MIB1: variants seen among roughly 807,000 people sequenced by gnomAD.
MIB1 encodes MIB E3 ubiquitin protein ligase 1, also known as E3 ubiquitin-protein ligase MIB1.
In MIB1, 278 loss-of-function variants were observed where a neutral mutation model predicts 124.5. The ratio of observed to expected loss-of-function variants is 2.23; its 90% confidence interval spans 2.02 to 2.47. The LOEUF (loss-of-function observed/expected upper bound fraction) is 2.47. Among genes scored for constraint, MIB1 ranks in the 30% most tolerant of loss-of-function variants. The probability of loss-of-function intolerance (pLI) is 0.00; values close to 1 mark genes in which losing one functional copy is unlikely to be tolerated. For synonymous variants in MIB1, 446 were observed against 429.4 expected (o/e 1.04, Z -0.48); for missense variants, 957 against 1,254.4 (o/e 0.76, Z 3.58).
At chr18:21,757,357 C>A (rs2041044442) in intron 1 of MIB1, among the ~76,000 whole-genome samples, 1 of 125,910 alleles carries the variant, frequency 7.9e-6, no homozygotes, top group African/African-American at 3.0e-5. Flanking sequence ...GAGGCTGAGA[C>A]AGGAGAATCT....
In MIB1 at chr18:21,770,073, ACATGCCTATAGTCC is replaced by A. The variant is rs577862013; in HGVS notation, c.531+1324_531+1337del. The stretch of plus-strand genomic sequence containing the variant: ...ACAAAAATTAGCCAGGCATGGTGGT[ACATGCCTATAGTCC>A]CAGCTACCAGGGAGGCTGAGGCAGG... On this transcript the variant is annotated intron_variant, in intron 3 of 20. Transcript: ENST00000261537. Among the ~76,000 whole-genome samples, 108 of 152,252 alleles carry A rather than the reference ACATGCCTATAGTCC, an allele frequency of 7.1e-4. 1 individual carries two copies. The highest frequency in any genetic ancestry group is 2.6e-3 in the African/African-American group (107 of 41,564).
At position 21,864,740 on chromosome 18, in the gene MIB1, A is replaced by C. The variant is rs2042307717; in HGVS notation, c.*74A>C. 1 of 1,187,236 alleles carries C rather than the reference A, an allele frequency of 8.4e-7. No homozygotes were observed. The highest frequency in any genetic ancestry group is 2.4e-5 in the East Asian group (1 of 41,820). 73.5% of individuals were successfully genotyped at this position (1,187,236 alleles called of 1,614,324 possible). ...CTTAATAGGCTTTTGATCTAGTTGG[A>C]AGTTCTGATGAGTTAATTTCTAATA... is the stretch of plus-strand genomic sequence containing the variant. On this transcript the variant is annotated 3_prime_UTR_variant, in exon 21 of 21. Transcript: ENST00000261537.
At chr18:21,805,984 A>G (rs1227282285) in intron 10 of MIB1, among the ~76,000 whole-genome samples, 2 of 144,106 alleles carry the variant, frequency 1.4e-5, no homozygotes, top group East Asian at 2.0e-4. Flanking sequence ...GCTCACTGCA[A>G]CCTCCGCCTC....
intron 3 of MIB1, among the ~76,000 whole-genome samples, chr18:21,770,252 T>G (rs1170221572): frequency 6.6e-6 from 1 of 152,160 alleles, no homozygotes; most frequent in Admixed American, 6.5e-5. Flanking sequence ...AATGAAACCA[T>G]CTTGTACATG....
intron 20 of MIB1, among the ~76,000 whole-genome samples, chr18:21,858,848 A>G (rs1192241681): frequency 1.3e-5 from 2 of 152,222 alleles, no homozygotes; most frequent in African/African-American, 4.8e-5. Flanking sequence ...GCCAATGAAT[A>G]TGAAAAAATG....
chr18:21,795,270 T>TATATATAAATATATATGTATATATATA (rs1254159056), intron 7 of MIB1, among the ~76,000 whole-genome samples: 6 of 142,896 alleles, frequency 4.2e-5, no homozygotes, highest in South Asian at 2.1e-4. Context: ...AGATTTTATA[T>TATATATAAATATATATGTATATATATA]ATATATAAAT....
At chr18:21,755,334 C>CTT (rs33999789) in intron 1 of MIB1, among the ~76,000 whole-genome samples, 6 of 139,774 alleles carry the variant, frequency 4.3e-5, no homozygotes, top group South Asian at 2.3e-4. Context: ...AAACAACTGG[C>CTT]TTTTTTTTTT....
intron 12 of MIB1, among the ~76,000 whole-genome samples, chr18:21,824,077 C>T (rs930056061): frequency 2.0e-5 from 3 of 151,852 alleles, no homozygotes; most frequent in Admixed American, 6.6e-5. Flanking sequence ...CAAAAACAAT[C>T]GATAGGTATT....
intron 20 of MIB1, among the ~76,000 whole-genome samples, chr18:21,862,003 G>A (rs527516653): frequency 2.0e-5 from 3 of 152,182 alleles, no homozygotes; most frequent in South Asian, 2.1e-4. Flanking sequence ...CTGGGTTCAA[G>A]CAGTTCTCCC....
Position 21,844,238 on chromosome 18 carries a change from G to T in MIB1, c.2196G>T (p.Glu732Asp). Reference protein sequence around the residue: ...QDVGKVDAAWEPSKNTLIMGL... With the variant: ...QDVGKVDAAWDPSKNTLIMGL... ...TGGGGAAGGTGGATGCTGCCTGGGA[G>T]CCATCCAAAAACACGGTGAGTAAAG... The change falls in exon 15 of 21, where the codon GAG (glutamate) becomes GAT (aspartate). Residue 732 changes from glutamate to aspartate, a missense_variant. Coordinates refer to ENST00000261537, the MANE Select transcript of MIB1 (RefSeq NM_020774.4). 1 of 1,614,076 alleles carries T rather than the reference G, an allele frequency of 6.2e-7. No homozygotes were observed. The highest frequency in any genetic ancestry group is 8.5e-7 in the Non-Finnish European group (1 of 1,179,982).
At chr18:21,851,152 T>C (rs557567492) in intron 17 of MIB1, among the ~76,000 whole-genome samples, 1 of 152,276 alleles carries the variant, frequency 6.6e-6, no homozygotes, top group South Asian at 2.1e-4. Context: ...GTTATTCTTA[T>C]AAAAGCTGCA....
At chr18:21,835,846 C>CACACACACACACACACACAA (rs2042025994) in intron 12 of MIB1, among the ~76,000 whole-genome samples, 1 of 141,394 alleles carries the variant, frequency 7.1e-6, no homozygotes, top group African/African-American at 2.6e-5. Flanking sequence ...CACAAACACA[C>CACACACACACACACACACAA]ACGAGGAGTA....
intron 2 of MIB1, 49 bp from the exon 3 acceptor site, chr18:21,768,574 T>C: frequency 1.5e-6 from 2 of 1,323,316 alleles, no homozygotes; most frequent in Non-Finnish European, 2.1e-6. Flanking sequence ...AAGTAAATTA[T>C]TGTTACCTAT....
rs574849366 is a variant in MIB1, at chr18:21,828,112, T to C, written c.1829+8466T>C. Reference sequence around the variant, plus strand: ...TTCTAAACAATGGATTGATCAAGTTTAGAGAAATTGAATTGTAATTGCATA... The same window carrying C: ...TTCTAAACAATGGATTGATCAAGTTCAGAGAAATTGAATTGTAATTGCATA... On this transcript the variant is annotated intron_variant, in intron 12 of 20. Coordinates refer to ENST00000261537, the MANE Select transcript of MIB1 (RefSeq NM_020774.4). 4 of 151,984 alleles carry C rather than the reference T, an allele frequency of 2.6e-5. No individual in the cohort carries two copies. In the East Asian group the frequency reaches 7.7e-4, roughly 29 times the overall value. 9.4% of individuals were successfully genotyped at this position (151,984 alleles called of 1,614,324 possible).
At chr18:21,822,938 A>G (rs1157819766) in intron 12 of MIB1, among the ~76,000 whole-genome samples, 1 of 152,076 alleles carries the variant, frequency 6.6e-6, no homozygotes, top group Non-Finnish European at 1.5e-5. Flanking sequence ...TGTCTCTAAA[A>G]AATTAAAAAA....
chr18:21,855,599 G>A lies in MIB1; in HGVS notation c.2666-1531G>A, dbSNP rs1383331954. Among the ~76,000 whole-genome samples, 5 of 152,290 alleles carry A rather than the reference G, an allele frequency of 3.3e-5. No homozygotes were observed. The South Asian group carries it at 6.2e-4, about 19-fold the overall frequency. ...ACCTAGTGCACTTGTATAACCGAGCGTCAGACCCATTTATGTTTAGGCTTT... is the reference window on the plus strand; with the variant it reads ...ACCTAGTGCACTTGTATAACCGAGCATCAGACCCATTTATGTTTAGGCTTT... On this transcript the variant is annotated intron_variant, in intron 18 of 20. Transcript: ENST00000261537.
chr18:21,849,692 T>C (rs1352960629), intron 17 of MIB1, among the ~76,000 whole-genome samples: 1 of 152,194 alleles, frequency 6.6e-6, no homozygotes, highest in Non-Finnish European at 1.5e-5. Flanking sequence ...ATCTAAAGTA[T>C]GGTAAAGTTA....
chr18:21,843,231 A>G lies in MIB1; in HGVS notation c.2049+14A>G, dbSNP rs778632899. ...CAGATTGTTAGGGTAAAGTATTGAC[A>G]TACATTTTAGCTTATAATTACATTT... On this transcript the variant is annotated intron_variant, in intron 14 of 20. Transcript: ENST00000261537. 4 of 1,539,788 alleles carry G rather than the reference A, an allele frequency of 2.6e-6. No homozygotes were observed. The highest frequency in any genetic ancestry group is 2.5e-5 in the South Asian group (2 of 80,026).
rs2042337044 is a variant in MIB1 at position 21,868,672 on chromosome 18, T to A, written c.*4006T>A. The A allele has an allele frequency of 6.6e-6, 1 of 152,452 alleles. No individual in the cohort carries two copies. The highest frequency in any genetic ancestry group is 1.5e-5 in the Non-Finnish European group (1 of 67,906). The allele number at this position is 152,452 out of a possible 1,614,324, so 9.4% of individuals were successfully genotyped here. Reference sequence around the variant, plus strand: ...TTTCCCTCAAAAAGGCAACGTTACTTCATTTGCTTGAATATTATGATAGGA... The same window carrying A: ...TTTCCCTCAAAAAGGCAACGTTACTACATTTGCTTGAATATTATGATAGGA... On this transcript the variant is annotated 3_prime_UTR_variant, in exon 21 of 21. Transcript: ENST00000261537.
Sources: allele counts gnomAD v4.1 joint callset (sites outside exome capture counted in the v4.1 genomes callset), GRCh38; gene constraint gnomAD v4.1.1; transcripts MANE v1.5; gene names NCBI Gene and HGNC (gene_info 2026-07-23, HGNC 2026-07-21).